Variants in PRDM10 observed in about 807,000 individuals in gnomAD.
PRDM10 encodes the protein PR domain zinc finger protein 10.
Under a neutral mutation model 133.1 loss-of-function variants are expected in PRDM10, and 65 were observed. The observed-to-expected ratio is 0.49, with a 90% CI of 0.40 to 0.60. PRDM10 has a LOEUF of 0.60. Among genes scored for constraint, PRDM10 ranks in the 20% least tolerant of loss-of-function variants. The probability of loss-of-function intolerance (pLI) is 0.00; values close to 1 mark genes in which losing one functional copy is unlikely to be tolerated. For missense variants in PRDM10, 1,137 were observed against 1,507.1 expected, an observed-to-expected ratio of 0.75 and a Z score of 4.07; for synonymous variants, 582 against 580.4, an observed-to-expected ratio of 1.00 and a Z score of -0.04.
chr11:129,960,532 T>C (rs1951776390), intron 2 of PRDM10, among the ~76,000 whole-genome samples: 1 of 152,188 alleles, frequency 6.6e-6, no homozygotes, highest in African/African-American at 2.4e-5. Context: ...TTTATAGACA[T>C]ACCTGTACTC....
intron 1 of PRDM10, among the ~76,000 whole-genome samples, chr11:129,987,099 T>C (rs1367317683): frequency 6.6e-6 from 1 of 152,224 alleles, no homozygotes; most frequent in Non-Finnish European, 1.5e-5. Context: ...ACACAGATTA[T>C]AAACTCTCCA....
At chr11:129,974,922 T>A (rs1192752569) in intron 1 of PRDM10, among the ~76,000 whole-genome samples, 2 of 152,054 alleles carry the variant, frequency 1.3e-5, no homozygotes, top group Non-Finnish European at 2.9e-5. Flanking sequence ...AGCCAGACGT[T>A]AAAGGGTAAG....
chr11:129,966,623 T>C (rs1419490364), intron 1 of PRDM10, among the ~76,000 whole-genome samples: 1 of 152,138 alleles, frequency 6.6e-6, no homozygotes, highest in East Asian at 1.9e-4. Context: ...ATATCTACCA[T>C]TGGAAAAATG....
intron 7 of PRDM10, among the ~76,000 whole-genome samples, chr11:129,941,327 A>G (rs1951196822): frequency 2.0e-5 from 3 of 152,370 alleles, no homozygotes; most frequent in African/African-American, 4.8e-5. Context: ...TTCATTTAGA[A>G]TCATAGCAAA....
At chr11:129,983,338 A>T (rs1223628141) in intron 1 of PRDM10, among the ~76,000 whole-genome samples, 3 of 147,186 alleles carry the variant, frequency 2.0e-5, no homozygotes, top group Non-Finnish European at 3.0e-5. Flanking sequence ...TCTGTCACCC[A>T]GGCTGGAGTG....
At chr11:129,989,825 G>A (rs1205343717) in intron 1 of PRDM10, among the ~76,000 whole-genome samples, 1 of 152,110 alleles carries the variant, frequency 6.6e-6, no homozygotes, top group African/African-American at 2.4e-5. Flanking sequence ...ATAAAACAGT[G>A]TAACTACTCG....
chr11:129,915,033 CA>C lies in PRDM10; in HGVS notation c.2527-16del. On this transcript the variant is annotated splice_polypyrimidine_tract_variant and intron_variant, in intron 16 of 20. Coordinates refer to ENST00000360871, the MANE Select transcript of PRDM10 (RefSeq NM_199437.2). Reference sequence around the variant, plus strand: ...ACCATCTTGGTCTGAAAAAGCAAGGCAAAAAACAAGAATAATTATTAGAATT... The same window carrying C: ...ACCATCTTGGTCTGAAAAAGCAAGGCAAAAACAAGAATAATTATTAGAATT... 1.9e-6 allele frequency: 3 copies of C among 1,554,678 alleles called. No homozygotes were observed. Among genetic ancestry groups the C allele is most frequent in the Non-Finnish European group, 2.6e-6 (3 of 1,148,386 alleles).
rs781078066 is a variant in PRDM10 at position 129,914,926 on chromosome 11, A to T, written c.2619T>A (p.Ser873Arg). 2 of 1,614,122 alleles carry T rather than the reference A, an allele frequency of 1.2e-6. No homozygotes were observed. The highest frequency in any genetic ancestry group is 1.1e-5 in the South Asian group (1 of 91,072). Reference sequence around the variant, plus strand: ...CTGTAGTCAAAACCGCTGGGGTGGCACTGATCACAGCTGTCGTCAGTGGTG... The same window carrying T: ...CTGTAGTCAAAACCGCTGGGGTGGCTCTGATCACAGCTGTCGTCAGTGGTG... Reference protein sequence around the residue: ...IHTPLTTAVISATPAVLTTDS... With the variant: ...IHTPLTTAVIRATPAVLTTDS... Residue 873 changes from serine to arginine, a missense_variant, in exon 17 of 21, where the codon AGT becomes AGA. Coordinates refer to ENST00000360871, the MANE Select transcript of PRDM10 (RefSeq NM_199437.2).
At chr11:129,904,283 G>A (rs933148903) in intron 20 of PRDM10, among the ~76,000 whole-genome samples, 16 of 151,624 alleles carry the variant, frequency 1.1e-4, no homozygotes, top group Non-Finnish European at 1.8e-4. Context: ...AGCCATTGAA[G>A]AGCATTTTTC....
intron 20 of PRDM10, 100 bp from the exon 21 acceptor site, chr11:129,902,616 C>G (rs1279835255): frequency 2.0e-6 from 3 of 1,475,702 alleles, no homozygotes; most frequent in East Asian, 4.9e-5. Context: ...CACAAGGGAC[C>G]CAAAATAGGC....
At chr11:129,911,339 A>G (rs1284545413) in intron 18 of PRDM10, among the ~76,000 whole-genome samples, 1 of 152,232 alleles carries the variant, frequency 6.6e-6, no homozygotes, top group African/African-American at 2.4e-5. Flanking sequence ...CCCAAAGTTC[A>G]TCGTTTCCAT....
chr11:129,971,651 TG>T (rs150480570), intron 1 of PRDM10, among the ~76,000 whole-genome samples: 40,289 of 151,964 alleles, frequency 0.27, 9,539 homozygotes, highest in African/African-American at 0.6. Flanking sequence ...GAGTGTCGAT[TG>T]GGTGCACTCA....
rs1950207488 is a variant in PRDM10 at position 129,912,189 on chromosome 11, C to T, written c.2878G>A (p.Asp960Asn). 6.2e-7 allele frequency: 1 copy of T among 1,608,706 alleles called. No homozygotes were observed. Among genetic ancestry groups the T allele is most frequent in the Non-Finnish European group, 8.5e-7 (1 of 1,176,650 alleles). Residue 960 changes from aspartate to asparagine, a missense_variant, in exon 18 of 21, where the codon GAT (aspartate) becomes AAT (asparagine). Asp to Asn is a conservative substitution (Grantham distance 23, BLOSUM62 1). Coordinates refer to ENST00000360871, the MANE Select transcript of PRDM10 (RefSeq NM_199437.2). ...TGAGGATCATGGAGCTGGCCAACAT[C>T]CACAGTGGACTGCTGTGACTGGTGA... ...SPHQSQQSTV[D>N]VGQLHDPQPY...
chr11:129,912,375 C>T lies in PRDM10; in HGVS notation c.2842-150G>A, dbSNP rs1389630207. The stretch of plus-strand genomic sequence containing the variant: ...AACCCAGCAGTTTGGGAGGCCAAAG[C>T]GGGTGTATCGCTTGAGCCCAGGAGT... On this transcript the variant is annotated intron_variant, in intron 17 of 20. Coordinates refer to ENST00000360871, the MANE Select transcript of PRDM10 (RefSeq NM_199437.2). 15 of 829,672 alleles carry T rather than the reference C, an allele frequency of 1.8e-5. No individual in the cohort carries two copies. In the East Asian group the frequency reaches 2.9e-4, roughly 16 times the overall value. The allele number at this position is 829,672 out of a possible 1,614,324, so 51.4% of individuals were successfully genotyped here.
rs373772488 is a variant in PRDM10, at chr11:130,001,194, T to TAA, written c.-119+1526_-119+1527dup. On this transcript the variant is annotated intron_variant, in intron 1 of 20. Coordinates refer to ENST00000360871, the MANE Select transcript of PRDM10 (RefSeq NM_199437.2). The stretch of plus-strand genomic sequence containing the variant: ...CTTTGCCCCCAACCAATCCTAATTT[T>TAA]AAAAAAAAATCTTGTTTTCTCTATT... Among the ~76,000 whole-genome samples the TAA allele has an allele frequency of 3.3e-5, 5 of 151,678 alleles. No individual in the cohort carries two copies. In the South Asian group the frequency reaches 6.2e-4, roughly 19 times the overall value.
At position 129,963,854 on chromosome 11, in the gene PRDM10, AC is replaced by A. The variant is rs570088267; in HGVS notation, c.-118-2773del. Among the ~76,000 whole-genome samples the A allele has an allele frequency of 8.5e-5, 13 of 152,314 alleles. No homozygotes were observed. The South Asian group carries it at 2.7e-3, about 32-fold the overall frequency. Reference sequence around the variant, plus strand: ...CTAATGAATGTCCTTTAAAAAGAATACGACATTTTTTCTCCTGGCCTGGGAT... The same window carrying A: ...CTAATGAATGTCCTTTAAAAAGAATAGACATTTTTTCTCCTGGCCTGGGAT... On this transcript the variant is annotated intron_variant, in intron 1 of 20. Coordinates refer to ENST00000360871, the MANE Select transcript of PRDM10 (RefSeq NM_199437.2).
chr11:129,961,467 G>A (rs183320346), intron 1 of PRDM10, among the ~76,000 whole-genome samples: 71 of 152,180 alleles, frequency 4.7e-4, no homozygotes, highest in Middle Eastern at 3.4e-3. Flanking sequence ...ACCATGCCCA[G>A]CTAATTTTTT....
At chr11:129,957,498 T>C (rs529692641) in intron 3 of PRDM10, among the ~76,000 whole-genome samples, 41 of 152,296 alleles carry the variant, frequency 2.7e-4, no homozygotes, top group African/African-American at 8.2e-4. Context: ...TTTGTATTTT[T>C]AGTAGAGACA....
intron 11 of PRDM10, among the ~76,000 whole-genome samples, chr11:129,929,869 C>T (rs912986394): frequency 1.3e-5 from 2 of 151,550 alleles, no homozygotes; most frequent in African/African-American, 2.4e-5. Flanking sequence ...AGATTAGGAA[C>T]TAAAGGAGAA....
Sources: allele counts gnomAD v4.1 joint callset (sites outside exome capture counted in the v4.1 genomes callset), GRCh38; gene constraint gnomAD v4.1.1; transcripts MANE v1.5; gene names NCBI Gene and HGNC (gene_info 2026-07-23, HGNC 2026-07-21).